The following ERC1 variants were observed in gnomAD, a reference collection of about 807,000 sequenced individuals.
ERC1 encodes ELKS/RAB6-interacting/CAST family member 1, also known as RAB6 interacting protein 2.
ERC1 carries 56 observed loss-of-function variants against 132.0 expected under a neutral mutation model. That is an observed-to-expected ratio of 0.42 (90% CI 0.34 to 0.53). The LOEUF is 0.53. Ranked by LOEUF, ERC1 falls within the 20% of genes least tolerant of loss-of-function variation. The probability of loss-of-function intolerance (pLI) is 0.03; values close to 1 mark genes in which losing one functional copy is unlikely to be tolerated. For synonymous variants in ERC1, 478 were observed against 476.1 expected (o/e 1.00, Z -0.05); for missense variants, 1,202 against 1,349.9 (o/e 0.89, Z 1.72).
At chr12:1,263,873 A>G (rs2077301403) in intron 14 of ERC1, among the ~76,000 whole-genome samples, 1 of 151,860 alleles carries the variant, frequency 6.6e-6, no homozygotes, top group South Asian at 2.1e-4. Context: ...TATTTTTAGT[A>G]AAGTTGGGGT....
chr12:1,019,158 C>G (rs574166508), intron 1 of ERC1, among the ~76,000 whole-genome samples: 1 of 152,332 alleles, frequency 6.6e-6, no homozygotes, highest in East Asian at 1.9e-4. Flanking sequence ...ACGTCTGGCT[C>G]TGTCTCCCAG....
At chr12:1,401,614 T>C (rs1307479048) in intron 16 of ERC1, among the ~76,000 whole-genome samples, 1 of 152,154 alleles carries the variant, frequency 6.6e-6, no homozygotes. Flanking sequence ...TCAATAAAAT[T>C]GACATGCAAA....
chr12:1,400,914 G>GTATTATTATTATTATTAT (rs1360966932), intron 16 of ERC1, among the ~76,000 whole-genome samples: 1 of 11,120 alleles, frequency 9.0e-5, no homozygotes, highest in African/African-American at 5.6e-4. Flanking sequence ...GGCTATTTTT[G>GTATTATTATTATTATTAT]TATTTTTTTT....
chr12:1,264,371 T>C (rs2154326643), intron 14 of ERC1, among the ~76,000 whole-genome samples: 1 of 152,226 alleles, frequency 6.6e-6, no homozygotes, highest in South Asian at 2.1e-4. Context: ...GATTTAAGAT[T>C]TCAAACCTAG....
At chr12:1,485,685 A>C (rs139753220) in intron 18 of ERC1, among the ~76,000 whole-genome samples, 86 of 152,032 alleles carry the variant, frequency 5.7e-4, no homozygotes, top group African/African-American at 2.0e-3. Flanking sequence ...TGTGTTTATT[A>C]TGTCTTTCAA....
At chr12:1,376,971 T>G (rs1267282475) in intron 16 of ERC1, among the ~76,000 whole-genome samples, 2 of 152,168 alleles carry the variant, frequency 1.3e-5, no homozygotes, top group African/African-American at 4.8e-5. Flanking sequence ...TGAGATGACA[T>G]CAGGTGATCC....
intron 1 of ERC1, among the ~76,000 whole-genome samples, chr12:1,017,699 A>G (rs955310234): frequency 2.6e-5 from 4 of 151,850 alleles, no homozygotes; most frequent in African/African-American, 9.7e-5. Flanking sequence ...GAGTTTCACC[A>G]TATTGGCCAG....
chr12:1,298,241 T>A (rs1344545006), intron 15 of ERC1, among the ~76,000 whole-genome samples: 2 of 152,024 alleles, frequency 1.3e-5, no homozygotes. Context: ...CAACAAAAAT[T>A]TTAAAAACCC....
intron 13 of ERC1, among the ~76,000 whole-genome samples, chr12:1,253,083 T>G (rs1452375100): frequency 1.3e-5 from 2 of 152,196 alleles, no homozygotes; most frequent in Non-Finnish European, 2.9e-5. Flanking sequence ...GCTCTTATTA[T>G]TAATTCAAAT....
intron 16 of ERC1, among the ~76,000 whole-genome samples, chr12:1,405,558 C>T (rs1180193270): frequency 1.3e-5 from 2 of 151,952 alleles, no homozygotes; most frequent in East Asian, 1.9e-4. Context: ...CAAAAAATAG[C>T]CGGGCGTGGT....
intron 2 of ERC1, among the ~76,000 whole-genome samples, chr12:1,055,818 A>G (rs1429387458): frequency 6.6e-6 from 1 of 152,096 alleles, no homozygotes; most frequent in Non-Finnish European, 1.5e-5. Context: ...TGAGATGTAA[A>G]CTTTAAATGA....
chr12:1,191,340 G>A (rs562252739), intron 12 of ERC1, among the ~76,000 whole-genome samples: 10 of 152,006 alleles, frequency 6.6e-5, no homozygotes, highest in African/African-American at 2.4e-4. Flanking sequence ...CACCCATTAC[G>A]TGCTTACGTG....
At chr12:1,462,551 A>G (rs2093663707) in intron 18 of ERC1, among the ~76,000 whole-genome samples, 2 of 152,342 alleles carry the variant, frequency 1.3e-5, no homozygotes, top group South Asian at 4.1e-4. Flanking sequence ...ACACTGTGTT[A>G]AGCAAAAGAA....
chr12:1,288,035 A>G (rs1398754601), intron 14 of ERC1, among the ~76,000 whole-genome samples: 1 of 152,238 alleles, frequency 6.6e-6, no homozygotes, highest in African/African-American at 2.4e-5. Context: ...CTTGAAAAAG[A>G]CAACAGCTCA....
intron 2 of ERC1, among the ~76,000 whole-genome samples, chr12:1,082,553 C>T (rs1942384510): frequency 6.9e-6 from 1 of 144,770 alleles, no homozygotes; most frequent in Non-Finnish European, 1.5e-5. Context: ...GCAATGAGTG[C>T]AGTCTTGGCT....
intron 8 of ERC1, among the ~76,000 whole-genome samples, chr12:1,179,126 C>G (rs1003685630): frequency 2.6e-5 from 4 of 152,094 alleles, no homozygotes; most frequent in African/African-American, 9.7e-5. Flanking sequence ...TAACATGCCG[C>G]TTGCTGTACT....
intron 17 of ERC1, among the ~76,000 whole-genome samples, chr12:1,428,865 C>T (rs1477640219): frequency 6.6e-6 from 1 of 152,124 alleles, no homozygotes; most frequent in South Asian, 2.1e-4. Context: ...TCTTCCTGAT[C>T]CTAGGATGAT....
chr12:1,259,432 G>A lies in ERC1; in HGVS notation c.2488-3602G>A, dbSNP rs189965797. 2.0e-5 allele frequency among the ~76,000 whole-genome samples: 3 copies of A among 150,642 alleles called. 1 individual carries two copies. The highest frequency in any genetic ancestry group is 2.0e-4 in the Admixed American group (3 of 15,156). On this transcript the variant is annotated intron_variant, in intron 13 of 18. Coordinates refer to ENST00000360905, the MANE Select transcript of ERC1 (RefSeq NM_178040.4). The stretch of plus-strand genomic sequence containing the variant: ...TACATTTTTAAAACTGAGGCACGTA[G>A]TATATTATGATTTACATTTTGGTCT...
chr12:1,230,577 A>G (rs1016838185), intron 12 of ERC1, among the ~76,000 whole-genome samples: 1 of 152,128 alleles, frequency 6.6e-6, no homozygotes, highest in African/African-American at 2.4e-5. Flanking sequence ...TGTTTCATAT[A>G]GTCTGTTATT....
Sources: allele counts gnomAD v4.1 joint callset (sites outside exome capture counted in the v4.1 genomes callset), GRCh38; gene constraint gnomAD v4.1.1; transcripts MANE v1.5; gene names NCBI Gene and HGNC (gene_info 2026-07-23, HGNC 2026-07-21).